Variants in C8orf34 observed in about 807,000 individuals in gnomAD.
The protein encoded by C8orf34 is chromosome 8 open reading frame 34, also known as uncharacterized protein C8orf34.
C8orf34 carries 65 observed loss-of-function variants against 68.3 expected under a neutral mutation model. The ratio of observed to expected loss-of-function variants is 0.95; its 90% CI spans 0.78 to 1.17. The LOEUF (loss-of-function observed/expected upper bound fraction) is 1.17, where lower values mean the gene tolerates loss of function less well. C8orf34 is among the 50% of genes most tolerant of loss of function. The probability of loss-of-function intolerance (pLI) is 0.00; values close to 1 mark genes in which losing one functional copy is unlikely to be tolerated. For missense variants in C8orf34, 664 were observed against 655.4 expected (o/e 1.01, Z -0.14); for synonymous variants, 244 against 241.2 (o/e 1.01, Z -0.11).
intron 8 of C8orf34, among the ~76,000 whole-genome samples, chr8:68,665,843 C>T (rs1237807217): frequency 6.6e-6 from 1 of 152,116 alleles, no homozygotes; most frequent in East Asian, 1.9e-4. Flanking sequence ...TCACTCCATG[C>T]TCCTGGATCT....
chr8:68,592,897 C>T (rs936180822), intron 7 of C8orf34, among the ~76,000 whole-genome samples: 1 of 151,870 alleles, frequency 6.6e-6, no homozygotes, highest in South Asian at 2.1e-4. Context: ...TTTTTTAATC[C>T]TTCCATCTTT....
At chr8:68,434,287 T>C (rs530576466) in intron 1 of C8orf34, among the ~76,000 whole-genome samples, 7 of 152,304 alleles carry the variant, frequency 4.6e-5, no homozygotes, top group Admixed American at 2.0e-4. Context: ...GTCCTAATGC[T>C]CTCCCTCCCC....
intron 12 of C8orf34, among the ~76,000 whole-genome samples, chr8:68,812,564 A>G (rs1824683368): frequency 2.0e-5 from 3 of 152,128 alleles, no homozygotes; most frequent in Admixed American, 2.0e-4. Context: ...CCACTTATAT[A>G]AGGCTTTATA....
chr8:68,772,181 A>G (rs1193889632), intron 10 of C8orf34, among the ~76,000 whole-genome samples: 1 of 152,218 alleles, frequency 6.6e-6, no homozygotes, highest in Admixed American at 6.5e-5. Context: ...TTCTGGTAGA[A>G]GTAGGTTTCT....
At chr8:68,806,242 A>C (rs1824479186) in intron 12 of C8orf34, among the ~76,000 whole-genome samples, 1 of 151,894 alleles carries the variant, frequency 6.6e-6, no homozygotes, top group Non-Finnish European at 1.5e-5. Flanking sequence ...ATATTTTCCC[A>C]GTTTTATTCT....
At chr8:68,816,082 A>G (rs945858277) in intron 13 of C8orf34, 137 bp downstream of exon 13, 6 of 1,361,178 alleles carry the variant, frequency 4.4e-6, no homozygotes, top group Non-Finnish European at 5.0e-6. Flanking sequence ...AGTATCCTGC[A>G]TAAGATTATA....
intron 12 of C8orf34, among the ~76,000 whole-genome samples, chr8:68,804,089 T>G (rs1824413091): frequency 6.6e-6 from 1 of 152,210 alleles, no homozygotes; most frequent in African/African-American, 2.4e-5. Context: ...AGTTTCAGAA[T>G]AATTGCAGTC....
intron 5 of C8orf34, among the ~76,000 whole-genome samples, chr8:68,518,954 T>A (rs1814636511): frequency 6.7e-6 from 1 of 148,416 alleles, no homozygotes; most frequent in Non-Finnish European, 1.5e-5. Flanking sequence ...GTTACATAAA[T>A]TGTGATTGAA....
intron 3 of C8orf34, among the ~76,000 whole-genome samples, chr8:68,454,127 G>A (rs1003005621): frequency 2.0e-5 from 3 of 151,874 alleles, no homozygotes; most frequent in East Asian, 3.9e-4. Context: ...ATACTTGGTC[G>A]TGATGTATAA....
intron 1 of C8orf34, among the ~76,000 whole-genome samples, chr8:68,432,652 G>C (rs775339012): frequency 6.6e-6 from 1 of 152,074 alleles, no homozygotes; most frequent in African/African-American, 2.4e-5. Context: ...AGTTTTGACT[G>C]GGAATAAGAT....
chr8:68,337,135 A>C (rs1022744527), intron 1 of C8orf34, among the ~76,000 whole-genome samples: 3 of 152,190 alleles, frequency 2.0e-5, no homozygotes, highest in Admixed American at 1.3e-4. Context: ...ATTAATGGGT[A>C]AAAGTTGGAT....
chr8:68,624,387 A>T lies in C8orf34; in HGVS notation c.1106-15989A>T, dbSNP rs532499893. ...ACAAATAATATTATGTTAACTAACA[A>T]AAACACTAGTTTGAGAAATCATCTG... On this transcript the variant is annotated intron_variant, in intron 7 of 13. Coordinates refer to ENST00000518698, the MANE Select transcript of C8orf34 (RefSeq NM_052958.4). 3.3e-5 allele frequency among the ~76,000 whole-genome samples: 5 copies of T among 152,334 alleles called. No individual in the cohort carries two copies. The East Asian group carries it at 9.6e-4, about 29-fold the overall frequency.
At chr8:68,485,015 G>C (rs564472044) in intron 4 of C8orf34, among the ~76,000 whole-genome samples, 2 of 152,290 alleles carry the variant, frequency 1.3e-5, no homozygotes, top group East Asian at 3.9e-4. Context: ...TCCAAACCAA[G>C]TTTTCCATTT....
rs149967452 is a variant in C8orf34 at position 68,409,404 on chromosome 8, G to C, written c.328-30095G>C. On this transcript the variant is annotated intron_variant, in intron 1 of 13. Coordinates refer to ENST00000518698, the MANE Select transcript of C8orf34 (RefSeq NM_052958.4). ...ATATTGATGATCCTGACCCTGTGTAGGCCTAGGCTAATGTGTGTGTTTGTG... is the reference window on the plus strand; with the variant it reads ...ATATTGATGATCCTGACCCTGTGTACGCCTAGGCTAATGTGTGTGTTTGTG... Among the ~76,000 whole-genome samples the C allele has an allele frequency of 5.3e-3, 812 of 152,168 alleles. 35 individuals are homozygous for C. The South Asian group carries it at 0.084, about 16-fold the overall frequency.
intron 7 of C8orf34, among the ~76,000 whole-genome samples, chr8:68,608,998 T>C (rs1817936035): frequency 6.6e-6 from 1 of 152,056 alleles, no homozygotes; most frequent in Non-Finnish European, 1.5e-5. Context: ...GAGATTCCCA[T>C]CTTGACAAAA....
Position 68,605,595 on chromosome 8 carries a change from G to C in C8orf34, c.1106-34781G>C, listed in dbSNP as rs545005579. On this transcript the variant is annotated intron_variant, in intron 7 of 13. Transcript: ENST00000518698. ...GCGAAGAGGAGGAGACACCTTAAGT[G>C]CATATTACTAGGTGAAATAAACCAA... Among the ~76,000 whole-genome samples, 3 of 152,144 alleles carry C rather than the reference G, an allele frequency of 2.0e-5. No homozygotes were observed. In the South Asian group the frequency reaches 6.2e-4, roughly 32 times the overall value.
At chr8:68,538,569 C>T (rs1387487087) in intron 7 of C8orf34, among the ~76,000 whole-genome samples, 2 of 151,166 alleles carry the variant, frequency 1.3e-5, no homozygotes, top group African/African-American at 4.9e-5. Context: ...TATCCTTGAA[C>T]CCAGATACAT....
intron 6 of C8orf34, among the ~76,000 whole-genome samples, chr8:68,526,061 G>A (rs931740761): frequency 1.4e-5 from 2 of 147,214 alleles, no homozygotes; most frequent in African/African-American, 5.1e-5. Flanking sequence ...CAGTTCAAGT[G>A]AGCCTCCCAC....
chr8:68,474,886 A>G (rs914155648), intron 4 of C8orf34, among the ~76,000 whole-genome samples: 2 of 152,186 alleles, frequency 1.3e-5, no homozygotes, highest in African/African-American at 4.8e-5. Flanking sequence ...CAGGAGAAGC[A>G]AGGAACACAC....
Sources: gnomAD v4.1 joint callset for allele counts (sites outside exome capture counted in the v4.1 genomes callset) on GRCh38, gnomAD v4.1.1 for gene constraint, MANE v1.5 for transcripts, NCBI Gene and HGNC (gene_info 2026-07-23, HGNC 2026-07-21) for gene names.